The following TTLL11 variants were observed in gnomAD, a reference collection of about 807,000 sequenced individuals.
TTLL11 encodes the protein tubulin polyglutamylase TTLL11.
In TTLL11, 42 loss-of-function variants were observed where a neutral mutation model predicts 51.7. The ratio of observed to expected loss-of-function variants is 0.81; its 90% CI spans 0.64 to 1.05. The LOEUF is 1.05. Among genes scored for constraint, TTLL11 ranks in the 50% least tolerant of loss-of-function variants. The pLI is 0.00. For synonymous variants in TTLL11, 381 were observed against 383.5 expected (o/e 0.99, Z 0.08); for missense variants, 799 against 940.4 (o/e 0.85, Z 1.97).
intron 4 of TTLL11, among the ~76,000 whole-genome samples, chr9:121,978,575 GA>G (rs1286398827): frequency 6.6e-6 from 1 of 152,040 alleles, no homozygotes; most frequent in African/African-American, 2.4e-5. Flanking sequence ...AACGGAGCAG[GA>G]ATTGTAAATG....
chr9:121,916,000 C>G (rs1013400867), intron 6 of TTLL11, among the ~76,000 whole-genome samples: 1 of 140,128 alleles, frequency 7.1e-6, no homozygotes, highest in Non-Finnish European at 1.6e-5. Flanking sequence ...TACACACACA[C>G]ACACACACAC....
chr9:121,908,544 C>A (rs13291194), intron 6 of TTLL11, among the ~76,000 whole-genome samples: 2 of 152,058 alleles, frequency 1.3e-5, no homozygotes, highest in Admixed American at 6.5e-5. Context: ...TTTTGACAGC[C>A]CTGCGCTGGG....
intron 8 of TTLL11, among the ~76,000 whole-genome samples, chr9:121,859,920 C>T (rs1218993080): frequency 1.3e-5 from 2 of 152,208 alleles, no homozygotes; most frequent in African/African-American, 4.8e-5. Context: ...AGCTTCTCTC[C>T]CTCCGAGCCA....
chr9:121,944,160 T>C (rs1841584958), intron 6 of TTLL11, among the ~76,000 whole-genome samples: 1 of 152,204 alleles, frequency 6.6e-6, no homozygotes, highest in South Asian at 2.1e-4. Flanking sequence ...AGGACTAAAC[T>C]TTTGCCCTTG....
At chr9:122,075,247 A>G (rs1845832807) in intron 1 of TTLL11, among the ~76,000 whole-genome samples, 1 of 152,348 alleles carries the variant, frequency 6.6e-6, no homozygotes, top group Non-Finnish European at 1.5e-5. Flanking sequence ...TCTAATTCAC[A>G]CAAAACATGA....
At chr9:122,086,293 A>G (rs1783625531) in intron 1 of TTLL11, among the ~76,000 whole-genome samples, 1 of 152,232 alleles carries the variant, frequency 6.6e-6, no homozygotes. Flanking sequence ...CGTTCAAATA[A>G]CAATGGTAGT....
At chr9:121,968,558 T>C (rs1842472111) in intron 6 of TTLL11, among the ~76,000 whole-genome samples, 1 of 152,210 alleles carries the variant, frequency 6.6e-6, no homozygotes. Context: ...ACTTTCTTTC[T>C]TTTTTATTTT....
intron 6 of TTLL11, among the ~76,000 whole-genome samples, chr9:121,900,145 G>A (rs1266185611): frequency 6.6e-6 from 1 of 152,188 alleles, no homozygotes; most frequent in African/African-American, 2.4e-5. Context: ...AATGGCCTCT[G>A]GACCTAAATT....
intron 1 of TTLL11, among the ~76,000 whole-genome samples, chr9:122,063,124 A>AC (rs1845481779): frequency 6.6e-6 from 1 of 151,970 alleles, no homozygotes; most frequent in East Asian, 1.9e-4. Flanking sequence ...CTTTGCCCGA[A>AC]TTTTTTTTAC....
At chr9:122,000,254 G>A (rs1244739982) in intron 3 of TTLL11, among the ~76,000 whole-genome samples, 1 of 151,982 alleles carries the variant, frequency 6.6e-6, no homozygotes, top group Non-Finnish European at 1.5e-5. Flanking sequence ...GGCGGATCAC[G>A]AGGTCAGGAG....
chr9:122,058,327 A>G (rs1845349166), intron 1 of TTLL11, among the ~76,000 whole-genome samples: 1 of 152,260 alleles, frequency 6.6e-6, no homozygotes. Flanking sequence ...GGGGCTTTGC[A>G]ATAGACAGGG....
intron 8 of TTLL11, among the ~76,000 whole-genome samples, chr9:121,823,388 G>A (rs188976561): frequency 6.6e-6 from 1 of 152,186 alleles, no homozygotes; most frequent in African/African-American, 2.4e-5. Flanking sequence ...TCTACTAAAA[G>A]TACAAAAATT....
chr9:121,996,926 A>G lies in TTLL11; in HGVS notation c.694-7156T>C, dbSNP rs774389480. ...GAGAAATCTACAGTCATCTAGCTAG[A>G]AGGCGGAAGTAAAGCGTCAGTTCTG... On this transcript the variant is annotated intron_variant, in intron 3 of 8. Transcript: ENST00000321582. 2.6e-3 allele frequency among the ~76,000 whole-genome samples: 391 copies of G among 152,334 alleles called. 9 individuals carry two copies. The highest frequency in any genetic ancestry group is 1.4e-3 in the Non-Finnish European group (96 of 68,024).
rs1554773860 is a variant in TTLL11 at position 121,954,678 on chromosome 9, G to GCGCA, written c.1481+19330_1481+19331insTGCG. Among the ~76,000 whole-genome samples, 13 of 149,410 alleles carry GCGCA rather than the reference G, an allele frequency of 8.7e-5. No homozygotes were observed. The East Asian group carries it at 1.4e-3, about 16-fold the overall frequency. The stretch of plus-strand genomic sequence containing the variant: ...TGCAAGCACACACACACACACAGAC[G>GCGCA]CACACACACACACACACACAGACAC... On this transcript the variant is annotated intron_variant, in intron 6 of 8. Coordinates refer to ENST00000321582, the MANE Select transcript of TTLL11 (RefSeq NM_001139442.2).
intron 6 of TTLL11, among the ~76,000 whole-genome samples, chr9:121,958,652 A>G (rs1842103770): frequency 6.6e-6 from 1 of 152,214 alleles, no homozygotes; most frequent in South Asian, 2.1e-4. Flanking sequence ...CCTACCCTCG[A>G]ACACATAGAG....
At chr9:121,912,962 A>G (rs958611725) in intron 6 of TTLL11, among the ~76,000 whole-genome samples, 4 of 152,144 alleles carry the variant, frequency 2.6e-5, no homozygotes, top group Admixed American at 6.5e-5. Flanking sequence ...TGATTTCAAC[A>G]ATCTTTCCAC....
At chr9:121,831,699 CAAAA>C (rs35519622) in intron 8 of TTLL11, among the ~76,000 whole-genome samples, 1 of 133,408 alleles carries the variant, frequency 7.5e-6, no homozygotes. Flanking sequence ...GACTCTGTCT[CAAAA>C]AAAAAAAAAA....
At chr9:122,090,421 T>C (rs1184800703) in intron 1 of TTLL11, among the ~76,000 whole-genome samples, 3 of 152,134 alleles carry the variant, frequency 2.0e-5, no homozygotes, top group African/African-American at 7.2e-5. Context: ...CCTCCCACGC[T>C]ATGATCCGGC....
chr9:121,838,112 G>C (rs1837231658), intron 8 of TTLL11, among the ~76,000 whole-genome samples: 1 of 152,154 alleles, frequency 6.6e-6, no homozygotes. Context: ...TTGCCACTGG[G>C]ATATCGCATT....
Sources: gnomAD v4.1 joint callset for allele counts (sites outside exome capture counted in the v4.1 genomes callset) on GRCh38, gnomAD v4.1.1 for gene constraint, MANE v1.5 for transcripts, NCBI Gene and HGNC (gene_info 2026-07-23, HGNC 2026-07-21) for gene names.